The following ADGRB3 variants were observed in gnomAD, a reference collection of about 807,000 sequenced individuals.
The protein encoded by ADGRB3 is brain-specific angiogenesis inhibitor 3.
A neutral mutation model predicts 193.4 loss-of-function variants in ADGRB3; 37 were observed. The observed-to-expected ratio is 0.19, with a 90% CI of 0.15 to 0.25. The LOEUF (loss-of-function observed/expected upper bound fraction) is 0.25, where lower values mean the gene tolerates loss of function less well. Among genes scored for constraint, ADGRB3 ranks in the 10% least tolerant of loss-of-function variants. The pLI is 1.00. For missense variants in ADGRB3, 1,637 were observed against 1,852.9 expected (o/e 0.88, Z 2.14); for synonymous variants, 690 against 644.2 (o/e 1.07, Z -1.08).
chr6:68,943,787 A>C, intron 5 of ADGRB3, 43 bp from the exon 6 acceptor site: 5 of 1,482,756 alleles, frequency 3.4e-6, no homozygotes, highest in Non-Finnish European at 4.6e-6. Flanking sequence ...CTTTGATTTT[A>C]CTGCTCTGCT....
chr6:69,266,898 T>C (rs62408265), intron 20 of ADGRB3, among the ~76,000 whole-genome samples: 6 of 152,096 alleles, frequency 3.9e-5, no homozygotes, highest in Non-Finnish European at 7.4e-5. Flanking sequence ...TATCCTTGGC[T>C]ACAAAGATCA....
intron 23 of ADGRB3, chr6:69,332,155 T>C: frequency 2.0e-6 from 2 of 985,436 alleles, no homozygotes; most frequent in Non-Finnish European, 2.4e-6. Context: ...CTGTCGGGGC[T>C]CATCATAAGC....
At chr6:69,326,713 G>GA (rs1275532921) in intron 21 of ADGRB3, among the ~76,000 whole-genome samples, 3 of 151,756 alleles carry the variant, frequency 2.0e-5, no homozygotes, top group African/African-American at 7.3e-5. Context: ...AACCCATGAG[G>GA]AATTTTTTTT....
At chr6:69,071,682 A>G (rs1772084615) in intron 16 of ADGRB3, among the ~76,000 whole-genome samples, 1 of 152,170 alleles carries the variant, frequency 6.6e-6, no homozygotes. Flanking sequence ...TTAGTTTCCA[A>G]ATATGTGCAG....
chr6:69,192,556 C>A (rs1765214557), intron 17 of ADGRB3, among the ~76,000 whole-genome samples: 1 of 152,128 alleles, frequency 6.6e-6, no homozygotes, highest in Admixed American at 6.6e-5. Context: ...TTAACCATCA[C>A]ATTTTGTATA....
chr6:69,090,403 C>G (rs1025291084), intron 17 of ADGRB3, among the ~76,000 whole-genome samples: 75 of 152,282 alleles, frequency 4.9e-4, no homozygotes, highest in African/African-American at 1.8e-3. Context: ...GCTGAAAGTG[C>G]ACTATGGCCT....
chr6:69,123,252 A>C (rs1773767914), intron 17 of ADGRB3, among the ~76,000 whole-genome samples: 1 of 152,200 alleles, frequency 6.6e-6, no homozygotes, highest in Admixed American at 6.5e-5. Context: ...AATTAATGTA[A>C]TATAGGTGAC....
intron 17 of ADGRB3, among the ~76,000 whole-genome samples, chr6:69,222,602 G>T (rs1765919548): frequency 6.6e-6 from 1 of 152,062 alleles, no homozygotes; most frequent in Non-Finnish European, 1.5e-5. Context: ...TAGAAAAATG[G>T]CAAGCTTTTT....
At chr6:68,954,084 C>T (rs1397266551) in intron 6 of ADGRB3, among the ~76,000 whole-genome samples, 1 of 152,126 alleles carries the variant, frequency 6.6e-6, no homozygotes, top group Non-Finnish European at 1.5e-5. Context: ...GTGCCTTTGT[C>T]AATGCTGACT....
At chr6:69,195,244 C>A (rs1331429846) in intron 17 of ADGRB3, among the ~76,000 whole-genome samples, 1 of 152,062 alleles carries the variant, frequency 6.6e-6, no homozygotes, top group Non-Finnish European at 1.5e-5. Context: ...TAAGACACTG[C>A]ATGATCTGGG....
intron 3 of ADGRB3, among the ~76,000 whole-genome samples, chr6:68,838,150 C>G (rs549807460): frequency 6.7e-4 from 102 of 152,282 alleles, no homozygotes; most frequent in African/African-American, 2.4e-3. Context: ...AATCTAGCTT[C>G]AGAATCCAGT....
intron 3 of ADGRB3, among the ~76,000 whole-genome samples, chr6:68,689,492 A>G (rs1765036099): frequency 6.6e-6 from 1 of 152,166 alleles, no homozygotes; most frequent in African/African-American, 2.4e-5. Flanking sequence ...TACCCTTAAA[A>G]TAAGGTCTAG....
intron 17 of ADGRB3, among the ~76,000 whole-genome samples, chr6:69,149,936 G>GTC (rs1010160808): frequency 7.6e-6 from 1 of 131,926 alleles, no homozygotes; most frequent in Non-Finnish European, 1.8e-5. Context: ...GTGTGTGTGT[G>GTC]TGTGTGTGTG....
At chr6:69,206,688 G>T (rs191220071) in intron 17 of ADGRB3, among the ~76,000 whole-genome samples, 8 of 152,186 alleles carry the variant, frequency 5.3e-5, no homozygotes, top group Non-Finnish European at 1.0e-4. Flanking sequence ...AAAAAGAAAA[G>T]AAATTAAATG....
chr6:68,779,475 A>C lies in ADGRB3; in HGVS notation c.757+140043A>C, dbSNP rs191884939. Among the ~76,000 whole-genome samples the C allele has an allele frequency of 3.4e-3, 517 of 152,080 alleles. 6 individuals carry two copies. Among genetic ancestry groups the C allele is most frequent in the Non-Finnish European group, 4.9e-3 (334 of 67,980 alleles). On this transcript the variant is annotated intron_variant, in intron 3 of 31. Transcript: ENST00000370598. ...CCCTGTTACAGACAGAGATTATGTA[A>C]CCATTGCAGAAGACTTACACTGACA...
At chr6:69,126,727 C>G (rs944013874) in intron 17 of ADGRB3, among the ~76,000 whole-genome samples, 5 of 134,204 alleles carry the variant, frequency 3.7e-5, no homozygotes, top group Non-Finnish European at 8.2e-5. Flanking sequence ...AACACTTTAT[C>G]AGCTATCTGA....
chr6:69,274,847 A>C (rs1286691657), intron 20 of ADGRB3, among the ~76,000 whole-genome samples: 1 of 152,060 alleles, frequency 6.6e-6, no homozygotes, highest in Non-Finnish European at 1.5e-5. Context: ...GCAGAACGGC[A>C]ATAAAACATC....
At chr6:69,278,662 A>G (rs889588837) in intron 20 of ADGRB3, among the ~76,000 whole-genome samples, 13 of 152,254 alleles carry the variant, frequency 8.5e-5, no homozygotes, top group Middle Eastern at 3.4e-3. Context: ...ACATTTATTC[A>G]TTGTTTGCTG....
intron 3 of ADGRB3, among the ~76,000 whole-genome samples, chr6:68,719,156 T>C (rs72899205): frequency 0.015 from 2,338 of 151,844 alleles, 35 homozygotes; most frequent in Non-Finnish European, 0.024. Context: ...ACAGGGTAAA[T>C]ATAAACTCTT....
Sources: gnomAD v4.1 joint callset for allele counts (sites outside exome capture counted in the v4.1 genomes callset) on GRCh38, gnomAD v4.1.1 for gene constraint, MANE v1.5 for transcripts, NCBI Gene and HGNC (gene_info 2026-07-23, HGNC 2026-07-21) for gene names.